Variants in CILP2 observed in about 807,000 individuals in gnomAD.
The protein encoded by CILP2 is cartilage intermediate layer protein 2, also known as CILP-2.
A neutral mutation model predicts 45.6 loss-of-function variants in CILP2; 38 were observed. The ratio of observed to expected loss-of-function variants is 0.83; its 90% confidence interval spans 0.64 to 1.09. The LOEUF is 1.09. CILP2 is among the 50% of genes least tolerant of loss of function. The pLI is 0.00. For synonymous variants in CILP2, 780 were observed against 723.5 expected (o/e 1.08, Z -1.25); for missense variants, 1,735 against 1,662.2 (o/e 1.04, Z -0.76).
Position 19,545,002 on chromosome 19 carries a change from G to A in CILP2, c.2457G>A (p.Glu819=), listed in dbSNP as rs1183094813. 24 of 1,601,810 alleles carry A rather than the reference G, an allele frequency of 1.5e-5. No individual in the cohort carries two copies. The highest frequency in any genetic ancestry group is 2.0e-5 in the Non-Finnish European group (24 of 1,178,500). The change falls in exon 8 of 8, where the codon GAG becomes GAA. Residue 819 remains glutamate, a synonymous_variant. Transcript: ENST00000291495. ...VTATLGGEEL[E]PAPSLPRPLP... The stretch of plus-strand genomic sequence containing the variant: ...CCACCCTGGGCGGCGAGGAGCTGGA[G>A]CCGGCCCCTTCCTTGCCCCGCCCAC...
chr19:19,538,432 C>T lies in CILP2; in HGVS notation c.64+19C>T, dbSNP rs764627017. 2 of 1,508,204 alleles carry T rather than the reference C, an allele frequency of 1.3e-6. No individual in the cohort carries two copies. The highest frequency in any genetic ancestry group is 5.3e-5 in the East Asian group (2 of 37,724). 93.4% of individuals were successfully genotyped at this position (1,508,204 alleles called of 1,614,324 possible). ...GCCCGAGGTGAGGCGCCTCCAGCCCCCGCGCCCAGCCCCTGAGGCTCCCGA... is the reference window on the plus strand; with the variant it reads ...GCCCGAGGTGAGGCGCCTCCAGCCCTCGCGCCCAGCCCCTGAGGCTCCCGA... On this transcript the variant is annotated intron_variant, in intron 1 of 7. Coordinates refer to ENST00000291495, the MANE Select transcript of CILP2 (RefSeq NM_153221.2).
rs1486062254 is a variant in CILP2, at chr19:19,539,688, C to T, written c.74C>T (p.Pro25Leu). 20 of 1,589,186 alleles carry T rather than the reference C, an allele frequency of 1.3e-5. No homozygotes were observed. The highest frequency in any genetic ancestry group is 1.6e-5 in the Non-Finnish European group (19 of 1,166,520). The change falls in exon 2 of 8, where the codon CCC becomes CTC. Residue 25 changes from proline (P) to leucine (L), a missense_variant. Coordinates refer to ENST00000291495, the MANE Select transcript of CILP2 (RefSeq NM_153221.2). The part of the protein sequence containing the change: ...AHLAGARDAT[P>L]TEEPMATALG... ...CACTCCTCACCCACAGACGCCACCC[C>T]CACCGAGGAGCCAATGGCGACTGCA... is the stretch of plus-strand genomic sequence containing the variant.
rs1420259140 is a variant in CILP2 at position 19,541,211 on chromosome 19, T to G, written c.557T>G (p.Leu186Arg). The G allele has an allele frequency of 7.8e-7, 1 of 1,280,622 alleles. No homozygotes were observed. The highest frequency in any genetic ancestry group is 9.9e-7 in the Non-Finnish European group (1 of 1,012,656). The allele number at this position is 1,280,622 out of a possible 1,614,324, so 79.3% of individuals were successfully genotyped here. ...PAGDACPGRP[L>R]EAQKCVRPRC... is the part of the protein sequence containing the mutation. ...GGGGATGCGTGTCCCGGGCGTCCTC[T>G]GGAGGCGCAGAAGTGCGTGCGGCCT... The change falls in exon 4 of 8, where the codon CTG (leucine) becomes CGG (arginine). Residue 186 changes from leucine to arginine, a missense_variant. Leu to Arg is a moderately radical substitution (Grantham distance 102). Coordinates refer to ENST00000291495, the MANE Select transcript of CILP2 (RefSeq NM_153221.2).
chr19:19,544,827 C>A lies in CILP2; in HGVS notation c.2282C>A (p.Thr761Lys). The A allele has an allele frequency of 6.2e-7, 1 of 1,602,692 alleles. No individual in the cohort carries two copies. Among genetic ancestry groups the A allele is most frequent in the Non-Finnish European group, 8.5e-7 (1 of 1,179,478 alleles). ...GAGCAGGTGGAGGGCGTGGTGGTCA[C>A]GCTGGTCAATCTGGAGCCCGCCCCC... The part of the protein sequence containing the change: ...PSEQVEGVVV[T>K]LVNLEPAPGF... The change falls in exon 8 of 8, where the codon ACG becomes AAG. Residue 761 changes from threonine (T) to lysine (K), a missense_variant. Coordinates refer to ENST00000291495, the MANE Select transcript of CILP2 (RefSeq NM_153221.2).
At chr19:19,539,829 G>A in intron 2 of CILP2, 52 bp downstream of exon 2, 1 of 1,447,188 alleles carries the variant, frequency 6.9e-7, no homozygotes, top group Non-Finnish European at 9.3e-7. Context: ...TGTTGGGGGT[G>A]GGGCTTGGGC....
In CILP2 at chr19:19,544,563, C is replaced by CA; in HGVS notation, c.2019dup (p.Gly674ArgfsTer60). On this transcript the variant is annotated frameshift_variant, in exon 8 of 8. Coordinates refer to ENST00000291495, the MANE Select transcript of CILP2 (RefSeq NM_153221.2). LOFTEE classifies it low-confidence loss of function (END_TRUNC). ...GTGGCCGCCAGCCAGATCCACATGC[C>CA]AGGCCACGTGGAGGCCCTCAAGCTG... 6.3e-7 allele frequency: 1 copy of CA among 1,577,850 alleles called. No homozygotes were observed.
chr19:19,544,707 TC>T lies in CILP2; in HGVS notation c.2164del (p.Arg722GlyfsTer18), dbSNP rs1265769394. ...ERVFLVGNVE[I>X]RERRLFNLDV... The stretch of plus-strand genomic sequence containing the variant: ...GTCTTCCTGGTGGGCAACGTGGAGA[TC>T]CGGGAGCGGCGCCTGTTCAATCTGG... On this transcript the variant is annotated frameshift_variant, in exon 8 of 8. Transcript: ENST00000291495. LOFTEE classifies it low-confidence loss of function (END_TRUNC). 3.1e-6 allele frequency: 5 copies of T among 1,591,546 alleles called. No individual in the cohort carries two copies. The highest frequency in any genetic ancestry group is 4.3e-6 in the Non-Finnish European group (5 of 1,173,704).
At chr19:19,539,577 A>G in intron 1 of CILP2, 102 bp from the exon 2 acceptor site, 1 of 727,942 alleles carries the variant, frequency 1.4e-6, no homozygotes, top group Non-Finnish European at 2.1e-6. Context: ...AAAAAAAAAA[A>G]AAAGGGGGGG....
rs1449598572 is a variant in CILP2 at position 19,541,281 on chromosome 19, A to G, written c.592+35A>G. On this transcript the variant is annotated intron_variant, in intron 4 of 7. Transcript: ENST00000291495. ...GCGGGGTCTGGAGGCTGGGACCTGT[A>G]CAGAGGGGAGGAAGGGGAGGTTAGG... The G allele has an allele frequency of 3.1e-6, 4 of 1,275,516 alleles. No homozygotes were observed. The East Asian group carries it at 8.8e-5, about 28-fold the overall frequency. The allele number at this position is 1,275,516 out of a possible 1,614,324, so 79.0% of individuals were successfully genotyped here.
chr19:19,545,651 C>G lies in CILP2; in HGVS notation c.3106C>G (p.Pro1036Ala). 6.2e-7 allele frequency: 1 copy of G among 1,609,254 alleles called. No individual in the cohort carries two copies. Among genetic ancestry groups the G allele is most frequent in the Non-Finnish European group, 8.5e-7 (1 of 1,177,922 alleles). ...TCGGGATTACCTGACCCGGCACCCC[C>G]CACCGGTGCCCGCGGAGGACCCAGC... ...LLRDYLTRHP[P>A]PVPAEDPAAF... Residue 1036 changes from proline (P) to alanine (A), a missense_variant, in exon 8 of 8, where the codon CCA becomes GCA. Pro to Ala is a conservative substitution (Grantham distance 27). Transcript: ENST00000291495.
intron 4 of CILP2, 132 bp from the exon 5 acceptor site, chr19:19,542,243 G>C: frequency 1.1e-6 from 1 of 934,530 alleles, no homozygotes; most frequent in Non-Finnish European, 1.6e-6. Context: ...GCAGGGCCAT[G>C]CTGAGGCCTC....
At position 19,544,255 on chromosome 19, in the gene CILP2, C is replaced by A. The variant is rs150610610; in HGVS notation, c.1710C>A (p.Ile570=). 28 of 1,613,758 alleles carry A rather than the reference C, an allele frequency of 1.7e-5. No homozygotes were observed. In the South Asian group the frequency reaches 3.0e-4, roughly 17 times the overall value. Reference sequence around the variant, plus strand: ...TACATACCAGCCAGAGCAACACGATCCCCCTGGGCGAGCTGGAAGATGAGG... The same window carrying A: ...TACATACCAGCCAGAGCAACACGATACCCCTGGGCGAGCTGGAAGATGAGG... ...VILHTSQSNT[I]PLGELEDEAP... The change falls in exon 8 of 8, where the codon ATC becomes ATA. Residue 570 remains isoleucine (I), a synonymous_variant. Transcript: ENST00000291495.
In CILP2 at chr19:19,545,859, G is replaced by A. The variant is rs778882475; in HGVS notation, c.3314G>A (p.Arg1105Gln). 6.1e-5 allele frequency: 96 copies of A among 1,586,026 alleles called. No individual in the cohort carries two copies. The East Asian group carries it at 1.9e-3, about 32-fold the overall frequency. Residue 1105 changes from arginine (R) to glutamine (Q), a missense_variant, in exon 8 of 8, where the codon CGG (arginine) becomes CAG (glutamine). Coordinates refer to ENST00000291495, the MANE Select transcript of CILP2 (RefSeq NM_153221.2). The stretch of plus-strand genomic sequence containing the variant: ...GGCACAGCCGTCACCTTCCAGTGCC[G>A]GGAGCCACCGGCCGGACGACCCAGC... ...DAGTAVTFQC[R>Q]EPPAGRPSLF...
chr19:19,546,536 G>C lies in CILP2; in HGVS notation c.*520G>C, dbSNP rs771331597. The C allele has an allele frequency of 6.5e-6, 1 of 152,862 alleles. No homozygotes were observed. The highest frequency in any genetic ancestry group is 1.5e-5 in the Non-Finnish European group (1 of 68,242). The allele number at this position is 152,862 out of a possible 1,614,324, so 9.5% of individuals were successfully genotyped here. A position where few individuals can be genotyped will look rare whatever the true frequency, so the allele number is the denominator to read the frequency against. ...CTGGGCCCAGTGAAAAGGAGGAAGG[G>C]GTTCCCATGCGGGGGAGGCTCTGGG... On this transcript the variant is annotated 3_prime_UTR_variant, in exon 8 of 8. Coordinates refer to ENST00000291495, the MANE Select transcript of CILP2 (RefSeq NM_153221.2).
At chr19:19,543,197 C>T (rs748950597) in intron 6 of CILP2, 51 bp from the exon 7 acceptor site, 16 of 1,573,634 alleles carry the variant, frequency 1.0e-5, no homozygotes, top group Middle Eastern at 2.2e-4. Flanking sequence ...AGACTGGGGG[C>T]AACACAGCCC....
rs779432451 is a variant in CILP2, at chr19:19,538,342, C to T, written c.-8C>T. 19 of 1,578,106 alleles carry T rather than the reference C, an allele frequency of 1.2e-5. No homozygotes were observed. Among genetic ancestry groups the T allele is most frequent in the Admixed American group, 1.2e-4 (7 of 58,662 alleles). ...CCCGGACCCTCCCTCGGACGCTCTG[C>T]CCCGGCCATGGCGTCGCTGCTGCCA... On this transcript the variant is annotated 5_prime_UTR_variant, in exon 1 of 8. Transcript: ENST00000291495.
Position 19,544,470 on chromosome 19 carries a change from T to G in CILP2, c.1925T>G (p.Met642Arg). The G allele has an allele frequency of 6.2e-7, 1 of 1,608,186 alleles. No homozygotes were observed. The highest frequency in any genetic ancestry group is 8.5e-7 in the Non-Finnish European group (1 of 1,179,528). Residue 642 changes from methionine (M) to arginine (R), a missense_variant, in exon 8 of 8, where the codon ATG becomes AGG. Met to Arg is a moderately conservative substitution (Grantham distance 91, BLOSUM62 -1). Coordinates refer to ENST00000291495, the MANE Select transcript of CILP2 (RefSeq NM_153221.2). ...GELAPLRTYG[M>R]FSVDLRAPGS... ...CTGGCTCCACTGCGCACCTACGGCA[T>G]GTTCTCCGTGGACCTCCGTGCGCCC...
chr19:19,544,943 G>C lies in CILP2; in HGVS notation c.2398G>C (p.Asp800His), dbSNP rs375042540. The change falls in exon 8 of 8, where the codon GAC (aspartate) becomes CAC (histidine). Residue 800 changes from aspartate to histidine, a missense_variant. Transcript: ENST00000291495. Reference sequence around the variant, plus strand: ...CTGCCTCCCCGCCTTCTGCGACGCCGACAGGCCAGACGCCTACACCGCCCT... The same window carrying C: ...CTGCCTCCCCGCCTTCTGCGACGCCCACAGGCCAGACGCCTACACCGCCCT... ...GACLPAFCDADRPDAYTALVT... is the reference protein window; with the variant it reads ...GACLPAFCDAHRPDAYTALVT... 6.3e-7 allele frequency: 1 copy of C among 1,594,116 alleles called. No homozygotes were observed. Among genetic ancestry groups the C allele is most frequent in the East Asian group, 2.2e-5 (1 of 44,698 alleles).
chr19:19,542,950 C>T lies in CILP2; in HGVS notation c.955C>T (p.Pro319Ser). Reference protein sequence around the residue: ...VTFCCKASGTPMPKKYSWFHN... With the variant: ...VTFCCKASGTSMPKKYSWFHN... The stretch of plus-strand genomic sequence containing the variant: ...TTTCTGCTGCAAAGCCTCCGGGACC[C>T]CCATGCCCAAGAAATACTCCTGGTG... The change falls in exon 6 of 8, where the codon CCC (proline) becomes TCC (serine). Residue 319 changes from proline (P) to serine (S), a missense_variant. Physicochemically the swap from Pro to Ser is moderately conservative, Grantham distance 74. Coordinates refer to ENST00000291495, the MANE Select transcript of CILP2 (RefSeq NM_153221.2). 1 of 1,613,332 alleles carries T rather than the reference C, an allele frequency of 6.2e-7. No homozygotes were observed. Among genetic ancestry groups the T allele is most frequent in the Non-Finnish European group, 8.5e-7 (1 of 1,179,312 alleles).
Sources: allele counts gnomAD v4.1 joint callset, GRCh38; gene constraint gnomAD v4.1.1; transcripts MANE v1.5; gene names NCBI Gene and HGNC (gene_info 2026-07-23, HGNC 2026-07-21).